Variants in NXNL2 observed in about 807,000 individuals in gnomAD.
NXNL2 encodes the protein nucleoredoxin-like protein 2.
A neutral mutation model predicts 11.1 loss-of-function variants in NXNL2; 7 were observed. The observed-to-expected ratio is 0.63, with a 90% CI of 0.36 to 1.18. The LOEUF is 1.18. Ranked by LOEUF, NXNL2 falls within the 50% of genes most tolerant of loss-of-function variation. The pLI is 0.02. For synonymous variants in NXNL2, 109 were observed against 101.8 expected (o/e 1.07, Z -0.42); for missense variants, 233 against 217.7 (o/e 1.07, Z -0.44).
At chr9:88,544,093 C>T (rs991212582) in intron 1 of NXNL2, among the ~76,000 whole-genome samples, 3 of 152,168 alleles carry the variant, frequency 2.0e-5, no homozygotes, top group Non-Finnish European at 4.4e-5. Flanking sequence ...ATCGCTTGAA[C>T]GTGGGAGGTG....
chr9:88,550,025 C>G (rs1290282213), intron 1 of NXNL2, among the ~76,000 whole-genome samples: 2 of 152,130 alleles, frequency 1.3e-5, no homozygotes, highest in Non-Finnish European at 2.9e-5. Context: ...TGGGATTTCT[C>G]CATTTTGGTC....
rs370660379 is a variant in NXNL2, at chr9:88,560,726, T to C, written c.303-10361T>C. On this transcript the variant is annotated intron_variant, in intron 1 of 2. Coordinates refer to the NXNL2 transcript ENST00000375855. Reference sequence around the variant, plus strand: ...GAGTCCAAGTCTAGCCTGGGCAACATAGTAAGACCCAGTCTCTAAAAAAAA... The same window carrying C: ...GAGTCCAAGTCTAGCCTGGGCAACACAGTAAGACCCAGTCTCTAAAAAAAA... Among the ~76,000 whole-genome samples, 84 of 152,022 alleles carry C rather than the reference T, an allele frequency of 5.5e-4. 1 individual carries two copies. In the South Asian group the frequency reaches 0.016, roughly 30 times the overall value.
intron 1 of NXNL2, among the ~76,000 whole-genome samples, chr9:88,558,808 A>C (rs1433887168): frequency 6.6e-6 from 1 of 152,172 alleles, no homozygotes; most frequent in East Asian, 1.9e-4. Context: ...GGTGAGTGGT[A>C]GTGAGAATAG....
In NXNL2 at chr9:88,535,488, G is replaced by A. The variant is rs753299701; in HGVS notation, c.54G>A (p.Val18=). ...RHLVTCKGAT[V]EAEAALQNKV... ...TGGTGACCTGTAAGGGCGCGACGGT[G>A]GAGGCCGAGGCGGCGCTGCAGAACA... Residue 18 remains valine (V), a synonymous_variant, in exon 1 of 2, where the codon GTG becomes GTA. Transcript: ENST00000375854. 1 of 1,609,644 alleles carries A rather than the reference G, an allele frequency of 6.2e-7. No individual in the cohort carries two copies. The highest frequency in any genetic ancestry group is 1.1e-5 in the South Asian group (1 of 90,888).
intron 1 of NXNL2, 89 bp from the exon 2 acceptor site, chr9:88,544,290 G>T: frequency 8.3e-7 from 1 of 1,204,428 alleles, no homozygotes; most frequent in African/African-American, 1.5e-5. Context: ...CCTCCAAGTT[G>T]GCTGTACCTC....
At chr9:88,566,265 G>A (rs1196397280) in intron 1 of NXNL2, among the ~76,000 whole-genome samples, 1 of 151,754 alleles carries the variant, frequency 6.6e-6, no homozygotes, top group African/African-American at 2.4e-5. Context: ...CATTGCCAAG[G>A]CCAATGTCAT....
At chr9:88,582,690 T>G (rs996950421) in intron 1 of NXNL2, among the ~76,000 whole-genome samples, 1 of 150,724 alleles carries the variant, frequency 6.6e-6, no homozygotes, top group Non-Finnish European at 1.5e-5. Context: ...TTTCTTCTTT[T>G]GACAGTCTTG....
intron 1 of NXNL2, among the ~76,000 whole-genome samples, chr9:88,564,325 CGTCT>C (rs1428853650): frequency 6.8e-6 from 1 of 147,042 alleles, no homozygotes; most frequent in Non-Finnish European, 1.5e-5. Context: ...ATCTATCTAT[CGTCT>C]ATTTATAGCT....
intron 1 of NXNL2, among the ~76,000 whole-genome samples, chr9:88,551,194 AG>A (rs1158313985): frequency 6.6e-6 from 1 of 152,092 alleles, no homozygotes; most frequent in African/African-American, 2.4e-5. Flanking sequence ...GGAGCTGTTC[AG>A]TCTGGAAACA....
intron 1 of NXNL2, among the ~76,000 whole-genome samples, chr9:88,536,507 T>G (rs1829623430): frequency 1.3e-5 from 2 of 152,244 alleles, no homozygotes; most frequent in South Asian, 4.2e-4. Flanking sequence ...GAGTCCAGAC[T>G]TAGGTTTAAA....
chr9:88,539,461 A>G (rs939467574), intron 1 of NXNL2, among the ~76,000 whole-genome samples: 7 of 152,106 alleles, frequency 4.6e-5, no homozygotes, highest in African/African-American at 1.7e-4. Flanking sequence ...GGTTCCTGAG[A>G]TAACAGAGTC....
chr9:88,555,777 C>T (rs905103526), intron 1 of NXNL2, among the ~76,000 whole-genome samples: 2 of 152,168 alleles, frequency 1.3e-5, no homozygotes, highest in South Asian at 2.1e-4. Flanking sequence ...CTTAGCCTGG[C>T]GGGCTGCGCT....
chr9:88,548,200 G>T (rs1256907485), downstream of NXNL2, among the ~76,000 whole-genome samples: 1 of 149,576 alleles, frequency 6.7e-6, no homozygotes, highest in African/African-American at 2.5e-5. Context: ...TTAGCTGGGC[G>T]TGGTGGCAGG....
chr9:88,576,700 A>G (rs1587858073), downstream of NXNL2, among the ~76,000 whole-genome samples: 1 of 152,074 alleles, frequency 6.6e-6, no homozygotes, highest in Non-Finnish European at 1.5e-5. Flanking sequence ...TCCCTTCTCC[A>G]CCAGCCCCTC....
chr9:88,552,184 G>C (rs1266036730), intron 1 of NXNL2, among the ~76,000 whole-genome samples: 1 of 152,100 alleles, frequency 6.6e-6, no homozygotes, highest in Admixed American at 6.5e-5. Flanking sequence ...TGTCTGTGGA[G>C]TCAGCCTCCA....
chr9:88,535,546 T>C lies in NXNL2; in HGVS notation c.112T>C (p.Cys38Arg). ...VVALYFAAAR[C>R]APSRDFTPLL... is the part of the protein sequence containing the mutation. ...GGCACTGTACTTCGCGGCGGCCCGG[T>C]GCGCGCCGAGCCGCGACTTCACGCC... is the stretch of plus-strand genomic sequence containing the variant. Residue 38 changes from cysteine to arginine, a missense_variant, in exon 1 of 2, where the codon TGC (cysteine) becomes CGC (arginine). Cys to Arg is a radical substitution (Grantham distance 180). Transcript: ENST00000375854. The C allele has an allele frequency of 6.2e-7, 1 of 1,605,118 alleles. No homozygotes were observed. The highest frequency in any genetic ancestry group is 8.5e-7 in the Non-Finnish European group (1 of 1,178,114).
At chr9:88,543,960 C>A (rs533610891) in intron 1 of NXNL2, among the ~76,000 whole-genome samples, 2 of 152,082 alleles carry the variant, frequency 1.3e-5, no homozygotes, top group Admixed American at 1.3e-4. Flanking sequence ...ACTTGAGGCC[C>A]GGAGGTCGAG....
chr9:88,566,526 CTCCTGACCTCAGGTGATCCACCCAG>C (rs1830172641), intron 1 of NXNL2, among the ~76,000 whole-genome samples: 1 of 152,164 alleles, frequency 6.6e-6, no homozygotes. Flanking sequence ...TGGTCTCAAA[CTCCTGACCTCAGGTGATCCACCCAG>C]CTCGGCCTCC....
chr9:88,553,164 C>T (rs1564070970), intron 1 of NXNL2, among the ~76,000 whole-genome samples: 1 of 152,322 alleles, frequency 6.6e-6, no homozygotes, highest in East Asian at 1.9e-4. Context: ...ATCCACTTCA[C>T]AACCCAAGGC....
Sources: allele counts gnomAD v4.1 joint callset (sites outside exome capture counted in the v4.1 genomes callset), GRCh38; gene constraint gnomAD v4.1.1; transcripts MANE v1.5; gene names NCBI Gene and HGNC (gene_info 2026-07-23, HGNC 2026-07-21).